The following GATB variants were observed in gnomAD, a reference collection of about 807,000 sequenced individuals.
GATB encodes glutamyl-tRNA amidotransferase subunit B.
A neutral mutation model predicts 62.3 loss-of-function variants in GATB; 39 were observed. That is an observed-to-expected ratio of 0.63 (90% CI 0.48 to 0.82). GATB has a LOEUF of 0.82. Ranked by LOEUF, GATB falls within the 40% of genes least tolerant of loss-of-function variation. The pLI is 0.00. For missense variants in GATB, 670 were observed against 684.0 expected, an observed-to-expected ratio of 0.98 and a Z score of 0.23; for synonymous variants, 276 against 258.9, an observed-to-expected ratio of 1.07 and a Z score of -0.63.
intron 6 of GATB, among the ~76,000 whole-genome samples, chr4:151,707,318 G>A (rs1738734039): frequency 6.6e-6 from 1 of 152,098 alleles, no homozygotes; most frequent in African/African-American, 2.4e-5. Flanking sequence ...CTTAGAGACA[G>A]AGTCTTGCTC....
chr4:151,756,520 C>T (rs924671693), intron 2 of GATB, among the ~76,000 whole-genome samples: 2 of 152,206 alleles, frequency 1.3e-5, no homozygotes, highest in African/African-American at 4.8e-5. Flanking sequence ...AGAGGTAGAT[C>T]TCCTCTGTCT....
At chr4:151,694,494 A>C (rs1381840413) in intron 9 of GATB, among the ~76,000 whole-genome samples, 2 of 152,230 alleles carry the variant, frequency 1.3e-5, no homozygotes, top group East Asian at 3.9e-4. Context: ...AGAACAAAAC[A>C]TTGGTTATTT....
chr4:151,726,308 CCT>C (rs1739136332), intron 2 of GATB, among the ~76,000 whole-genome samples: 1 of 152,138 alleles, frequency 6.6e-6, no homozygotes, highest in Admixed American at 6.5e-5. Context: ...ATATTGCTCC[CCT>C]GTTTCCGCAC....
intron 9 of GATB, among the ~76,000 whole-genome samples, chr4:151,694,819 C>T (rs374375108): frequency 1.6e-4 from 24 of 152,170 alleles, no homozygotes; most frequent in African/African-American, 5.8e-4. Context: ...GAAAGCAAAC[C>T]TGGTCATTTC....
At chr4:151,759,334 CA>C (rs1174894991) in intron 1 of GATB, among the ~76,000 whole-genome samples, 6 of 152,088 alleles carry the variant, frequency 3.9e-5, no homozygotes, top group African/African-American at 1.4e-4. Context: ...TGATCTTTCC[CA>C]CATTATCTAG....
intron 2 of GATB, among the ~76,000 whole-genome samples, chr4:151,727,494 G>A (rs568527574): frequency 6.6e-6 from 1 of 152,246 alleles, no homozygotes; most frequent in Admixed American, 6.5e-5. Flanking sequence ...TTGGTGGCCA[G>A]TAAAAGACAA....
At chr4:151,713,415 C>T (rs1578917409) in intron 5 of GATB, among the ~76,000 whole-genome samples, 1 of 152,186 alleles carries the variant, frequency 6.6e-6, no homozygotes, top group East Asian at 1.9e-4. Flanking sequence ...GACAAAGCCA[C>T]TGAGCTATTC....
intron 9 of GATB, among the ~76,000 whole-genome samples, chr4:151,689,415 G>A (rs542305717): frequency 6.6e-6 from 1 of 152,242 alleles, no homozygotes; most frequent in South Asian, 2.1e-4. Flanking sequence ...CCAGCCTTCT[G>A]AGCTGGGCCA....
chr4:151,701,665 T>C (rs1022857167), intron 8 of GATB, 147 bp from the exon 9 acceptor site: 1 of 586,098 alleles, frequency 1.7e-6, no homozygotes, highest in Non-Finnish European at 2.6e-6. Flanking sequence ...TCAATTCTGT[T>C]TCCCAGGGAA....
intron 2 of GATB, chr4:151,720,764 G>C (rs983714706): frequency 1.3e-5 from 2 of 152,172 alleles, no homozygotes; most frequent in Non-Finnish European, 2.9e-5. Flanking sequence ...AAGTGGTAAA[G>C]CTGCCTGTAA....
rs1315344953 is a variant in GATB at position 151,716,013 on chromosome 4, C to T, written c.759G>A (p.Met253Ile). 6.2e-7 allele frequency: 1 copy of T among 1,613,646 alleles called. No individual in the cohort carries two copies. Among genetic ancestry groups the T allele is most frequent in the Non-Finnish European group, 8.5e-7 (1 of 1,179,832 alleles). Residue 253 changes from methionine to isoleucine, a missense_variant, in exon 5 of 13, where the codon ATG (methionine) becomes ATA (isoleucine). By Grantham distance (10) the Met-to-Ile change is conservative. Transcript: ENST00000263985. ...LQALGTSQANMAEGQLRVDAN... is the reference protein window; with the variant it reads ...LQALGTSQANIAEGQLRVDAN... Reference sequence around the variant, plus strand: ...TACTGCTTCTGTGGCTTCTACCTGCCATGTTCGCCTGGCTGGTCCCCAGGG... The same window carrying T: ...TACTGCTTCTGTGGCTTCTACCTGCTATGTTCGCCTGGCTGGTCCCCAGGG...
At chr4:151,741,161 GTTTAATTTATAAA>G (rs1367428512) in intron 2 of GATB, among the ~76,000 whole-genome samples, 1 of 152,030 alleles carries the variant, frequency 6.6e-6, no homozygotes, top group African/African-American at 2.4e-5. Context: ...GTATGATGAA[GTTTAATTTATAAA>G]TTATGCACAG....
chr4:151,697,371 C>T (rs886268134), intron 9 of GATB, among the ~76,000 whole-genome samples: 2 of 152,056 alleles, frequency 1.3e-5, no homozygotes, highest in Non-Finnish European at 2.9e-5. Context: ...TGAAACGACA[C>T]TGAAACAGAA....
chr4:151,740,479 T>C (rs1216635411), intron 2 of GATB, among the ~76,000 whole-genome samples: 1 of 152,226 alleles, frequency 6.6e-6, no homozygotes, highest in Non-Finnish European at 1.5e-5. Context: ...CATATTGTCA[T>C]GTATTATGCC....
chr4:151,721,417 G>T (rs1739029128), intron 2 of GATB: 1 of 152,220 alleles, frequency 6.6e-6, no homozygotes, highest in South Asian at 2.1e-4. Context: ...AGGTTTTCAA[G>T]AAAAGATGTG....
In GATB at chr4:151,670,982, G is replaced by T. The variant is rs537864202; in HGVS notation, c.*192C>A. The T allele has an allele frequency of 1.1e-4, 71 of 625,460 alleles. No homozygotes were observed. The highest frequency in any genetic ancestry group is 9.3e-4 in the Admixed American group (32 of 34,566). The allele number at this position is 625,460 out of a possible 1,614,324, so 38.7% of individuals were successfully genotyped here. A position where few individuals can be genotyped will look rare whatever the true frequency, so the allele number is the denominator to read the frequency against. ...AAGCAGGCGGGGTGGCTGCTGGTCG[G>T]CTGTGGAGGCACCTCCAGGCACAGG... is the stretch of plus-strand genomic sequence containing the variant. On this transcript the variant is annotated 3_prime_UTR_variant, in exon 13 of 13. Coordinates refer to ENST00000263985, the MANE Select transcript of GATB (RefSeq NM_004564.3).
intron 2 of GATB, among the ~76,000 whole-genome samples, chr4:151,753,085 G>A (rs927914851): frequency 6.6e-6 from 1 of 152,180 alleles, no homozygotes; most frequent in East Asian, 1.9e-4. Context: ...CTAAGTTCCC[G>A]CACTGGGGCA....
intron 2 of GATB, among the ~76,000 whole-genome samples, chr4:151,735,473 A>C (rs1343283128): frequency 6.6e-6 from 1 of 152,032 alleles, no homozygotes; most frequent in African/African-American, 2.4e-5. Flanking sequence ...CAATCAGGGA[A>C]CACTTCTACA....
chr4:151,725,749 T>C (rs1168411887), intron 2 of GATB, among the ~76,000 whole-genome samples: 1 of 152,226 alleles, frequency 6.6e-6, no homozygotes, highest in Non-Finnish European at 1.5e-5. Flanking sequence ...TAATTACAAA[T>C]AAATCTATTC....
Sources: gnomAD v4.1 joint callset for allele counts (sites outside exome capture counted in the v4.1 genomes callset) on GRCh38, gnomAD v4.1.1 for gene constraint, MANE v1.5 for transcripts, NCBI Gene and HGNC (gene_info 2026-07-23, HGNC 2026-07-21) for gene names.